The following MCC variants were observed in gnomAD, a reference collection of about 807,000 sequenced individuals.
MCC encodes colorectal mutant cancer protein.
In MCC, 90 loss-of-function variants were observed where a neutral mutation model predicts 116.2. That is an observed-to-expected ratio of 0.77 (90% CI 0.65 to 0.92). MCC has a LOEUF of 0.92. MCC is among the 40% of genes least tolerant of loss of function. The pLI, the probability that MCC is intolerant of heterozygous loss-of-function variation, is 0.00. For synonymous variants in MCC, 578 were observed against 510.5 expected, an observed-to-expected ratio of 1.13 and a Z score of -1.78; for missense variants, 1,516 against 1,312.2, an observed-to-expected ratio of 1.16 and a Z score of -2.40.
At chr5:113,211,449 C>T (rs1561460582) in intron 3 of MCC, among the ~76,000 whole-genome samples, 1 of 152,190 alleles carries the variant, frequency 6.6e-6, no homozygotes, top group Non-Finnish European at 1.5e-5. Flanking sequence ...TATGAAAGAA[C>T]CTGAAAGACC....
rs556499345 is a variant in MCC, at chr5:113,457,181, G to A, written c.170+31064C>T. Among the ~76,000 whole-genome samples, 25 of 152,320 alleles carry A rather than the reference G, an allele frequency of 1.6e-4. No homozygotes were observed. In the East Asian group the frequency reaches 3.1e-3, roughly 19 times the overall value. On this transcript the variant is annotated intron_variant, in intron 1 of 18. Transcript: ENST00000408903. ...AGCGGGAACCGGGGCTGCCTGCAGC[G>A]CTTGCGGGCCAGCTGGAGTTCCAGG...
intron 3 of MCC, among the ~76,000 whole-genome samples, chr5:113,331,528 T>G (rs1767695935): frequency 6.6e-6 from 1 of 151,786 alleles, no homozygotes; most frequent in Non-Finnish European, 1.5e-5. Context: ...TCCCTGTTTT[T>G]AAAATAAAAA....
intron 3 of MCC, among the ~76,000 whole-genome samples, chr5:113,190,047 CCAA>C (rs1252448152): frequency 2.6e-5 from 4 of 152,196 alleles, no homozygotes; most frequent in African/African-American, 9.6e-5. Context: ...CACCTGCAGC[CCAA>C]CACCCCTCAA....
rs755341959 is a variant in MCC, at chr5:113,340,678, G to A, written c.468C>T (p.Asp156=). The A allele has an allele frequency of 2.5e-5, 41 of 1,614,036 alleles. No homozygotes were observed. In the South Asian group the frequency reaches 3.4e-4, roughly 13 times the overall value. ...GGCTCTGCACATCCGGGCTCTGGAG[G>A]TCCCTGGCACCAGAGTCGTATTCCC... ...ESWEYDSGAR[D]LQSPDVQSQS... is the part of the protein sequence containing the mutation. Residue 156 remains aspartate (D), a synonymous_variant, in exon 3 of 19, where the codon GAC becomes GAT. Transcript: ENST00000408903.
At chr5:113,337,667 C>T (rs1767901401) in intron 3 of MCC, among the ~76,000 whole-genome samples, 1 of 152,162 alleles carries the variant, frequency 6.6e-6, no homozygotes, top group South Asian at 2.1e-4. Flanking sequence ...TTACTGTGTG[C>T]TTTCTGTCTC....
intron 3 of MCC, among the ~76,000 whole-genome samples, chr5:113,291,524 G>A (rs996361060): frequency 6.6e-6 from 1 of 152,184 alleles, no homozygotes; most frequent in African/African-American, 2.4e-5. Flanking sequence ...ATGATACCCA[G>A]GATAATGGCA....
At chr5:113,402,361 G>C (rs953783251) in intron 1 of MCC, among the ~76,000 whole-genome samples, 1 of 149,638 alleles carries the variant, frequency 6.7e-6, no homozygotes, top group Admixed American at 6.7e-5. Context: ...GTCTTGCTAT[G>C]ATGGCCAGGC....
At chr5:113,467,959 G>A (rs9686814) in intron 1 of MCC, among the ~76,000 whole-genome samples, 3,190 of 152,218 alleles carry the variant, frequency 0.021, 98 homozygotes, top group African/African-American at 0.072. Context: ...GTGAATGGGA[G>A]TTCACTCATG....
At chr5:113,429,985 G>A (rs1300551213) in intron 1 of MCC, among the ~76,000 whole-genome samples, 1 of 152,164 alleles carries the variant, frequency 6.6e-6, no homozygotes, top group Non-Finnish European at 1.5e-5. Context: ...CAGTCACTGT[G>A]ATCTAAGCAA....
chr5:113,163,130 G>A (rs750179392), intron 3 of MCC, among the ~76,000 whole-genome samples: 1 of 152,074 alleles, frequency 6.6e-6, no homozygotes, highest in Non-Finnish European at 1.5e-5. Context: ...TGCCTCATGG[G>A]TCCTCATATC....
intron 11 of MCC, among the ~76,000 whole-genome samples, chr5:113,080,681 A>G (rs1307737592): frequency 6.6e-6 from 1 of 152,138 alleles, no homozygotes; most frequent in Non-Finnish European, 1.5e-5. Flanking sequence ...GAGGGATAGC[A>G]TTAGGAGATA....
intron 3 of MCC, among the ~76,000 whole-genome samples, chr5:113,240,454 A>G (rs12188230): frequency 0.11 from 16,465 of 152,186 alleles, 1,408 homozygotes; most frequent in Admixed American, 0.25. Flanking sequence ...AAGGCTTTGA[A>G]AATAACTATG....
chr5:113,411,031 A>C (rs1395512258), intron 1 of MCC, among the ~76,000 whole-genome samples: 4 of 152,300 alleles, frequency 2.6e-5, no homozygotes, highest in Non-Finnish European at 5.9e-5. Context: ...GTTGGTTCCA[A>C]GTCTTTGCTA....
chr5:113,029,025 G>A lies in MCC; in HGVS notation c.2788C>T (p.Leu930=). 3 of 1,613,360 alleles carry A rather than the reference G, an allele frequency of 1.9e-6. No homozygotes were observed. Among genetic ancestry groups the A allele is most frequent in the Non-Finnish European group, 2.5e-6 (3 of 1,179,580 alleles). ...GTGAGTCTCTCCAAGGCACTCACCA[G>A]CTCTTGAACTCTGGCCTTCAACTTC... ...EKKLKARVQE[L]VSALERLTKS... The change falls in exon 18 of 19, where the codon CTG becomes TTG. Residue 930 remains leucine, a synonymous_variant. Transcript: ENST00000408903.
intron 1 of MCC, among the ~76,000 whole-genome samples, chr5:113,443,682 T>C (rs1309553053): frequency 6.6e-6 from 1 of 152,114 alleles, no homozygotes; most frequent in Admixed American, 6.5e-5. Flanking sequence ...TGATACCTAG[T>C]TTATTGAGAG....
intron 3 of MCC, among the ~76,000 whole-genome samples, chr5:113,173,220 C>G (rs1761163317): frequency 6.6e-6 from 1 of 152,118 alleles, no homozygotes; most frequent in South Asian, 2.1e-4. Flanking sequence ...ATCCTCCACC[C>G]CACTCAGATT....
chr5:113,325,055 G>A (rs1049251556), intron 3 of MCC, among the ~76,000 whole-genome samples: 5 of 151,980 alleles, frequency 3.3e-5, no homozygotes, highest in African/African-American at 4.8e-5. Flanking sequence ...GCCCAGGCTG[G>A]TCTCAAACTC....
intron 3 of MCC, among the ~76,000 whole-genome samples, chr5:113,187,754 CAAAAA>C (rs5870533): frequency 8.1e-5 from 10 of 122,966 alleles, no homozygotes; most frequent in Non-Finnish European, 8.4e-5. Flanking sequence ...GACTCCAACT[CAAAAA>C]AAAAAAAAAA....
intron 3 of MCC, among the ~76,000 whole-genome samples, chr5:113,327,561 A>AAAAAATATAT (rs1480996383): frequency 1.6e-4 from 13 of 80,556 alleles, no homozygotes; most frequent in East Asian, 5.7e-4. Context: ...AAAAAAAAAA[A>AAAAAATATAT]ATATATATAT....
Sources: gnomAD v4.1 joint callset for allele counts (sites outside exome capture counted in the v4.1 genomes callset) on GRCh38, gnomAD v4.1.1 for gene constraint, MANE v1.5 for transcripts, NCBI Gene and HGNC (gene_info 2026-07-23, HGNC 2026-07-21) for gene names.